Variants in PTPN9 observed in about 807,000 individuals in gnomAD.
PTPN9 encodes the protein protein tyrosine phosphatase non-receptor type 9.
PTPN9 carries 26 observed loss-of-function variants against 69.8 expected under a neutral mutation model. That is an observed-to-expected ratio of 0.37 (90% CI 0.27 to 0.52). The LOEUF is 0.52. Ranked by LOEUF, PTPN9 falls within the 20% of genes least tolerant of loss-of-function variation. PTPN9 has a pLI of 0.91. For synonymous variants in PTPN9, 274 were observed against 272.5 expected, an observed-to-expected ratio of 1.01 and a Z score of -0.05; for missense variants, 549 against 740.3, an observed-to-expected ratio of 0.74 and a Z score of 3.00.
chr15:75,520,437 AATAGATAGATAGATAGATAG>A lies in PTPN9; in HGVS notation c.422+2664_422+2683del, dbSNP rs138397961. On this transcript the variant is annotated intron_variant, in intron 4 of 12. Coordinates refer to ENST00000618819, the MANE Select transcript of PTPN9 (RefSeq NM_002833.4). ...AAGATTTTCACACTTTAGGGTATAG[AATAGATAGATAGATAGATAG>A]ATAGATAGATAGATAGATAGATAGA... Among the ~76,000 whole-genome samples the A allele has an allele frequency of 5.0e-5, 7 of 140,374 alleles. No homozygotes were observed. In the East Asian group the frequency reaches 1.5e-3, roughly 29 times the overall value. 92.1% of individuals were successfully genotyped at this position (140,374 alleles called of 152,430 possible). A position where few individuals can be genotyped will look rare whatever the true frequency, so the allele number is the denominator to read the frequency against.
At chr15:75,478,049 C>T (rs2074606650) in intron 9 of PTPN9, among the ~76,000 whole-genome samples, 1 of 151,966 alleles carries the variant, frequency 6.6e-6, no homozygotes, top group African/African-American at 2.4e-5. Flanking sequence ...CCATATTGGC[C>T]AGGCTGGTTT....
intron 4 of PTPN9, among the ~76,000 whole-genome samples, chr15:75,518,596 T>C (rs1057149376): frequency 2.0e-5 from 3 of 151,982 alleles, no homozygotes; most frequent in Non-Finnish European, 4.4e-5. Flanking sequence ...AGCAGGTGGA[T>C]CACCTGAGGT....
chr15:75,527,342 C>T, intron 1 of PTPN9, 81 bp from the exon 2 acceptor site: 1 of 1,502,330 alleles, frequency 6.7e-7, no homozygotes, highest in Non-Finnish European at 9.1e-7. Flanking sequence ...TGAAAACTAT[C>T]ATCCCTTCTC....
At chr15:75,517,948 A>G (rs1044803133) in intron 4 of PTPN9, among the ~76,000 whole-genome samples, 1 of 152,212 alleles carries the variant, frequency 6.6e-6, no homozygotes, top group Non-Finnish European at 1.5e-5. Flanking sequence ...ATCTCTAAGA[A>G]AATATTTCAG....
chr15:75,559,722 G>C (rs577367042), intron 1 of PTPN9, among the ~76,000 whole-genome samples: 15 of 133,170 alleles, frequency 1.1e-4, no homozygotes, highest in Non-Finnish European at 2.3e-4. Context: ...ATTGTCCTAT[G>C]ACCCTGCCAA....
intron 1 of PTPN9, among the ~76,000 whole-genome samples, chr15:75,555,971 G>A (rs989310926): frequency 6.8e-6 from 1 of 148,040 alleles, no homozygotes. Context: ...AATGGAGGTG[G>A]CAGTGAGCTA....
At chr15:75,507,344 G>C (rs1156537174) in intron 6 of PTPN9, among the ~76,000 whole-genome samples, 1 of 151,916 alleles carries the variant, frequency 6.6e-6, no homozygotes, top group Non-Finnish European at 1.5e-5. Context: ...TACTTGGGAG[G>C]CTGAGGCAGG....
At chr15:75,482,648 C>T (rs1216524308) in intron 8 of PTPN9, among the ~76,000 whole-genome samples, 5 of 151,020 alleles carry the variant, frequency 3.3e-5, no homozygotes, top group Admixed American at 6.6e-5. Context: ...TGCGGAAGGC[C>T]GCAGGGTCCT....
chr15:75,481,742 G>A (rs752814567), intron 8 of PTPN9, among the ~76,000 whole-genome samples: 2 of 46,122 alleles, frequency 4.3e-5, no homozygotes, highest in Non-Finnish European at 7.7e-5. Context: ...CGCCCTGTCC[G>A]GGAGGTGAGG....
At chr15:75,553,567 C>A (rs945435208) in intron 1 of PTPN9, among the ~76,000 whole-genome samples, 1 of 152,174 alleles carries the variant, frequency 6.6e-6, no homozygotes, top group Admixed American at 6.6e-5. Flanking sequence ...CTGCTTCTAT[C>A]TCTATGCCCC....
chr15:75,555,497 T>TTTATTA (rs554256856), intron 1 of PTPN9, among the ~76,000 whole-genome samples: 2 of 151,432 alleles, frequency 1.3e-5, no homozygotes, highest in East Asian at 1.9e-4. Context: ...TACTTTTCAT[T>TTTATTA]TTATTATTAT....
intron 7 of PTPN9, among the ~76,000 whole-genome samples, chr15:75,504,333 A>G (rs2074800330): frequency 9.8e-6 from 1 of 101,804 alleles, no homozygotes; most frequent in African/African-American, 3.9e-5. Context: ...CCCTACTGGG[A>G]AGTGAGGAGC....
chr15:75,474,031 C>T (rs1272634451), intron 9 of PTPN9, among the ~76,000 whole-genome samples: 1 of 152,164 alleles, frequency 6.6e-6, no homozygotes, highest in Non-Finnish European at 1.5e-5. Flanking sequence ...GCTACATACC[C>T]TCTCAGAGTC....
intron 5 of PTPN9, chr15:75,512,783 C>A: frequency 3.7e-6 from 1 of 268,922 alleles, no homozygotes; most frequent in Non-Finnish European, 7.4e-6. Flanking sequence ...TCTCTCATTT[C>A]CCCATCCTCT....
At chr15:75,531,425 T>C (rs1031026833) in intron 1 of PTPN9, among the ~76,000 whole-genome samples, 1 of 151,962 alleles carries the variant, frequency 6.6e-6, no homozygotes, top group Non-Finnish European at 1.5e-5. Flanking sequence ...CTTCAGAAAA[T>C]AGTTTGAATT....
chr15:75,502,317 C>T (rs957209442), intron 7 of PTPN9, among the ~76,000 whole-genome samples: 4 of 151,816 alleles, frequency 2.6e-5, no homozygotes, highest in African/African-American at 9.7e-5. Context: ...CATGGTGGTG[C>T]GCGCCTATAA....
chr15:75,463,678 A>G lies in PTPN9; in HGVS notation c.*5091T>C, dbSNP rs1323627252. On this transcript the variant is annotated 3_prime_UTR_variant, in exon 13 of 13. Coordinates refer to ENST00000618819, the MANE Select transcript of PTPN9 (RefSeq NM_002833.4). ...AAGGTGCTAGATTTTTTTTCCCCCA[A>G]GAAAACATCTCCAAGTAAAAGTGAT... is the stretch of plus-strand genomic sequence containing the variant. 6.6e-6 allele frequency: 1 copy of G among 152,200 alleles called. No individual in the cohort carries two copies. Among genetic ancestry groups the G allele is most frequent in the Non-Finnish European group, 1.5e-5 (1 of 68,034 alleles). The allele number at this position is 152,200 out of a possible 1,614,324, so 9.4% of individuals were successfully genotyped here.
chr15:75,567,033 T>C (rs2075129501), intron 1 of PTPN9, among the ~76,000 whole-genome samples: 3 of 151,132 alleles, frequency 2.0e-5, no homozygotes, highest in Middle Eastern at 3.2e-3. Flanking sequence ...TTTTTTTTTT[T>C]CAGATGCAAT....
chr15:75,523,327 G>C, intron 3 of PTPN9, 82 bp from the exon 4 acceptor site: 2 of 1,433,518 alleles, frequency 1.4e-6, no homozygotes, highest in Non-Finnish European at 1.9e-6. Context: ...CTGGATAAGG[G>C]TTTGATACAT....
Sources: allele counts gnomAD v4.1 joint callset (sites outside exome capture counted in the v4.1 genomes callset), GRCh38; gene constraint gnomAD v4.1.1; transcripts MANE v1.5; gene names NCBI Gene and HGNC (gene_info 2026-07-23, HGNC 2026-07-21).